Variants in ZEB2 observed in about 807,000 individuals in gnomAD.
ZEB2 encodes the protein zinc finger E-box binding homeobox 2.
ZEB2 carries 6 observed loss-of-function variants against 99.9 expected under a neutral mutation model. That is an observed-to-expected ratio of 0.06 (90% confidence interval 0.03 to 0.12). ZEB2 has a LOEUF of 0.12. Among genes scored for constraint, ZEB2 ranks in the 10% least tolerant of loss-of-function variants. The probability of loss-of-function intolerance (pLI) is 1.00; values close to 1 mark genes in which losing one functional copy is unlikely to be tolerated. For missense variants in ZEB2, 969 were observed against 1,502.8 expected (o/e 0.64, Z 5.87); for synonymous variants, 517 against 542.5 (o/e 0.95, Z 0.65).
At chr2:144,393,776 C>T (rs1214015002) in intron 9 of ZEB2, among the ~76,000 whole-genome samples, 1 of 152,168 alleles carries the variant, frequency 6.6e-6, no homozygotes, top group African/African-American at 2.4e-5. Flanking sequence ...GGAAAGCCAA[C>T]AGGAAGATAA....
intron 2 of ZEB2, among the ~76,000 whole-genome samples, chr2:144,459,835 T>C (rs1704167984): frequency 6.6e-6 from 1 of 152,170 alleles, no homozygotes; most frequent in South Asian, 2.1e-4. Flanking sequence ...AAAAGAGATC[T>C]TGCTACGTAT....
At chr2:144,473,247 T>G (rs1324218563) in intron 2 of ZEB2, among the ~76,000 whole-genome samples, 1 of 152,038 alleles carries the variant, frequency 6.6e-6, no homozygotes, top group African/African-American at 2.4e-5. Context: ...GGGTTCCTGG[T>G]TGGGAGGTCC....
intron 4 of ZEB2, among the ~76,000 whole-genome samples, chr2:144,410,910 G>C (rs552245511): frequency 6.6e-6 from 1 of 151,258 alleles, no homozygotes; most frequent in African/African-American, 2.4e-5. Flanking sequence ...CCATCCCCTT[G>C]TTTAATAACT....
intron 2 of ZEB2, among the ~76,000 whole-genome samples, chr2:144,501,123 T>TA: frequency 6.6e-6 from 1 of 150,866 alleles, no homozygotes; most frequent in East Asian, 2.0e-4. Context: ...TATGAAACCT[T>TA]ACGCTAACTG....
chr2:144,428,992 G>T (rs139451351), intron 3 of ZEB2: 152 of 152,320 alleles, frequency 1.0e-3, no homozygotes, highest in African/African-American at 3.6e-3. Flanking sequence ...AGCAGAGAAA[G>T]TTCACAGGAA....
intron 2 of ZEB2, among the ~76,000 whole-genome samples, chr2:144,485,606 CTTCCTT>C (rs1704582819): frequency 6.6e-6 from 1 of 152,032 alleles, no homozygotes; most frequent in Non-Finnish European, 1.5e-5. Flanking sequence ...TGCCTTCTCT[CTTCCTT>C]TTCTTTTATT....
chr2:144,466,118 G>A (rs1470412262), intron 2 of ZEB2, among the ~76,000 whole-genome samples: 1 of 152,160 alleles, frequency 6.6e-6, no homozygotes, highest in African/African-American at 2.4e-5. Context: ...TTCACAAGGT[G>A]CATCATTTAA....
intron 2 of ZEB2, among the ~76,000 whole-genome samples, chr2:144,434,265 C>T (rs1012857968): frequency 5.9e-5 from 9 of 152,118 alleles, no homozygotes; most frequent in East Asian, 5.8e-4. Context: ...GCCAATAAAT[C>T]GTTCAATGCC....
At chr2:144,459,340 A>G (rs1042073379) in intron 2 of ZEB2, among the ~76,000 whole-genome samples, 11 of 152,190 alleles carry the variant, frequency 7.2e-5, no homozygotes, top group Non-Finnish European at 1.2e-4. Flanking sequence ...AAAAGGACAG[A>G]AGGAACTACT....
At position 144,386,836 on chromosome 2, in the gene ZEB2, G is replaced by A. The variant is rs1208072606; in HGVS notation, c.*2615C>T. ...TTGTGCCATTCAAAGAAGGAGAAAC[G>A]AGGATAGAATTTTCTAAACTTTCCA... On this transcript the variant is annotated 3_prime_UTR_variant, in exon 10 of 10. Transcript: ENST00000627532. The A allele has an allele frequency of 2.6e-5, 4 of 151,940 alleles. No individual in the cohort carries two copies. Among genetic ancestry groups the A allele is most frequent in the African/African-American group, 4.8e-5 (2 of 41,362 alleles). The allele number at this position is 151,940 out of a possible 1,614,324, so 9.4% of individuals were successfully genotyped here.
chr2:144,458,424 G>C (rs1245384420), intron 2 of ZEB2, among the ~76,000 whole-genome samples: 1 of 152,020 alleles, frequency 6.6e-6, no homozygotes, highest in African/African-American at 2.4e-5. Context: ...CATTGAGAGA[G>C]GGTTTGCAGT....
At chr2:144,449,721 AG>A (rs1286615974) in intron 2 of ZEB2, 2 of 152,228 alleles carry the variant, frequency 1.3e-5, no homozygotes, top group Non-Finnish European at 2.9e-5. Flanking sequence ...TGTCTTCTTC[AG>A]CAAACAGTGA....
At chr2:144,407,214 T>A (rs1703399620) in intron 4 of ZEB2, among the ~76,000 whole-genome samples, 1 of 152,248 alleles carries the variant, frequency 6.6e-6, no homozygotes, top group Non-Finnish European at 1.5e-5. Context: ...TTTTTGCCTC[T>A]GTAACTTCTA....
chr2:144,510,687 CCT>C (rs34688250), intron 2 of ZEB2, among the ~76,000 whole-genome samples: 76,550 of 147,780 alleles, frequency 0.52, 22,615 homozygotes, highest in Non-Finnish European at 0.69. Context: ...CTACCCTGTG[CCT>C]CTCTCTCTCT....
chr2:144,476,412 C>T (rs1326618887), intron 2 of ZEB2, among the ~76,000 whole-genome samples: 2 of 152,172 alleles, frequency 1.3e-5, no homozygotes, highest in African/African-American at 4.8e-5. Flanking sequence ...AGCACACCTA[C>T]TCACTTAAAA....
intron 4 of ZEB2, among the ~76,000 whole-genome samples, chr2:144,407,223 T>G (rs1432630904): frequency 1.3e-5 from 2 of 152,240 alleles, no homozygotes; most frequent in Admixed American, 1.3e-4. Flanking sequence ...CTGTAACTTC[T>G]AATAAGGTTA....
chr2:144,428,142 C>T (rs535768481), intron 3 of ZEB2: 2 of 152,176 alleles, frequency 1.3e-5, no homozygotes, highest in African/African-American at 2.4e-5. Context: ...TTGGTCCTTA[C>T]CCTTGATTTC....
intron 3 of ZEB2, chr2:144,427,418 G>T (rs1284422210): frequency 1.3e-5 from 2 of 152,364 alleles, no homozygotes; most frequent in East Asian, 3.9e-4. Context: ...AAGAGCAAAG[G>T]AGAGAGGGCT....
At chr2:144,425,337 T>C (rs1382564117) in intron 3 of ZEB2, among the ~76,000 whole-genome samples, 1 of 152,202 alleles carries the variant, frequency 6.6e-6, no homozygotes, top group Non-Finnish European at 1.5e-5. Context: ...TATGCAAGCA[T>C]ACTTTTTGAA....
Sources: gnomAD v4.1 joint callset for allele counts (sites outside exome capture counted in the v4.1 genomes callset) on GRCh38, gnomAD v4.1.1 for gene constraint, MANE v1.5 for transcripts, NCBI Gene and HGNC (gene_info 2026-07-23, HGNC 2026-07-21) for gene names.